Variants in BIN2 observed in about 807,000 individuals in gnomAD.
BIN2 encodes bridging integrator 2.
Under a neutral mutation model 67.9 loss-of-function variants are expected in BIN2, and 43 were observed. That is an observed-to-expected ratio of 0.63 (90% CI 0.50 to 0.82). The LOEUF is 0.82. Among genes scored for constraint, BIN2 ranks in the 40% least tolerant of loss-of-function variants. The probability of loss-of-function intolerance (pLI) is 0.00; values close to 1 mark genes in which losing one functional copy is unlikely to be tolerated. For synonymous variants in BIN2, 244 were observed against 246.8 expected (o/e 0.99, Z 0.11); for missense variants, 581 against 671.6 (o/e 0.87, Z 1.49).
chr12:51,295,234 C>T (rs546417472), intron 9 of BIN2, among the ~76,000 whole-genome samples: 1 of 127,394 alleles, frequency 7.8e-6, no homozygotes, highest in Non-Finnish European at 1.9e-5. Flanking sequence ...CATGAGCCAC[C>T]ATTGTCTGGC....
rs746586606 is a variant in BIN2 at position 51,313,847 on chromosome 12, G to A, written c.138C>T (p.Ser46=). 5.6e-6 allele frequency: 9 copies of A among 1,613,586 alleles called. No homozygotes were observed. The highest frequency in any genetic ancestry group is 4.5e-5 in the East Asian group (2 of 44,852). Residue 46 remains serine (S), a synonymous_variant, in exon 2 of 13, where the codon AGC becomes AGT. Coordinates refer to ENST00000615107, the MANE Select transcript of BIN2 (RefSeq NM_016293.4). The stretch of plus-strand genomic sequence containing the variant: ...CCTGTTGTTGGTAGAAGTTGCTAGC[G>A]CTTTGTTCAAATCGTTCATCTTTGG... ...VETKDERFEQ[S]ASNFYQQQAE...
intron 6 of BIN2, 75 bp downstream of exon 6, chr12:51,299,532 C>T: frequency 7.1e-7 from 1 of 1,413,672 alleles, no homozygotes. Flanking sequence ...CATGTTGGCC[C>T]AGCCACCTGC....
intron 2 of BIN2, among the ~76,000 whole-genome samples, chr12:51,308,410 C>T (rs1011989783): frequency 6.6e-6 from 1 of 152,120 alleles, no homozygotes; most frequent in African/African-American, 2.4e-5. Flanking sequence ...ACAAACAGTC[C>T]CAACCCTCAG....
At chr12:51,294,580 A>C (rs899236583) in intron 9 of BIN2, among the ~76,000 whole-genome samples, 20 of 147,860 alleles carry the variant, frequency 1.4e-4, no homozygotes, top group African/African-American at 3.8e-4. Flanking sequence ...AAAAAAAAAA[A>C]CAAAAAAAAC....
intron 6 of BIN2, 78 bp from the exon 7 acceptor site, chr12:51,299,366 T>C: frequency 7.2e-7 from 1 of 1,391,798 alleles, no homozygotes; most frequent in African/African-American, 1.4e-5. Context: ...ATCCTCTGCA[T>C]TTTTTTAGGC....
chr12:51,285,768 C>A (rs1370753837), intron 11 of BIN2, among the ~76,000 whole-genome samples: 5 of 151,844 alleles, frequency 3.3e-5, no homozygotes, highest in Non-Finnish European at 7.4e-5. Flanking sequence ...GGATTACAGG[C>A]GCCCACCACC....
At chr12:51,303,164 G>C (rs1276283072) in intron 2 of BIN2, 23 bp from the exon 3 acceptor site, 1 of 1,611,206 alleles carries the variant, frequency 6.2e-7, no homozygotes, top group Admixed American at 1.7e-5. Context: ...AGTACATTTG[G>C]TGACTAAAGA....
Position 51,310,605 on chromosome 12 carries a change from T to C in BIN2, c.162+3218A>G, listed in dbSNP as rs181590252. Among the ~76,000 whole-genome samples the C allele has an allele frequency of 2.7e-3, 404 of 152,356 alleles. 2 individuals carry two copies. Among genetic ancestry groups the C allele is most frequent in the African/African-American group, 9.2e-3 (384 of 41,584 alleles). On this transcript the variant is annotated intron_variant, in intron 2 of 12. Transcript: ENST00000615107. Reference sequence around the variant, plus strand: ...GAAAAAGGCAAGTTGCAAAATCATATGCATGGAAGAATCTCACTTTAGTAA... The same window carrying C: ...GAAAAAGGCAAGTTGCAAAATCATACGCATGGAAGAATCTCACTTTAGTAA...
chr12:51,286,216 A>G (rs895830336), intron 11 of BIN2, among the ~76,000 whole-genome samples: 10 of 152,152 alleles, frequency 6.6e-5, no homozygotes, highest in African/African-American at 2.2e-4. Context: ...GAGAGAAAAT[A>G]TGATTTATAA....
intron 10 of BIN2, among the ~76,000 whole-genome samples, chr12:51,289,399 G>C (rs780544784): frequency 2.6e-5 from 4 of 151,822 alleles, no homozygotes; most frequent in Non-Finnish European, 5.9e-5. Context: ...AGGACCACTG[G>C]AGCCCAGGAG....
At position 51,295,807 on chromosome 12, in the gene BIN2, C is replaced by T. The variant is rs1166143457; in HGVS notation, c.750G>A (p.Lys250=). The T allele has an allele frequency of 3.1e-6, 5 of 1,613,086 alleles. No homozygotes were observed. Among genetic ancestry groups the T allele is most frequent in the Non-Finnish European group, 3.4e-6 (4 of 1,179,670 alleles). ...TGGATGCTGCTCACCTTGACAGTCC[C>T]TTCACCACAAAGACTTTATTGGAAT... ...KQHSNKVFVV[K]GLSSSSRRSL... Residue 250 remains lysine, a synonymous_variant, in exon 9 of 13, where the codon AAG becomes AAA. Transcript: ENST00000615107.
intron 11 of BIN2, among the ~76,000 whole-genome samples, 159 bp downstream of exon 11, chr12:51,287,949 C>A (rs1301337259): frequency 6.6e-6 from 1 of 152,174 alleles, no homozygotes; most frequent in Non-Finnish European, 1.5e-5. Context: ...CCGCGCCCGG[C>A]CAGGACAAGT....
chr12:51,293,352 C>T (rs1434828951), intron 9 of BIN2, among the ~76,000 whole-genome samples: 1 of 152,106 alleles, frequency 6.6e-6, no homozygotes, highest in African/African-American at 2.4e-5. Flanking sequence ...CTCTGTCGCC[C>T]AGGCGGGAGT....
chr12:51,311,899 A>T (rs4435047), intron 2 of BIN2, among the ~76,000 whole-genome samples: 4 of 151,580 alleles, frequency 2.6e-5, no homozygotes, highest in Admixed American at 6.6e-5. Flanking sequence ...AGCCTCCCGA[A>T]TAGCTGGGAT....
At chr12:51,286,998 T>G (rs1945252035) in intron 11 of BIN2, among the ~76,000 whole-genome samples, 1 of 151,804 alleles carries the variant, frequency 6.6e-6, no homozygotes, top group African/African-American at 2.4e-5. Flanking sequence ...ATTTTTGTAT[T>G]TTTTGTAGAG....
At chr12:51,283,831 C>T (rs1397123062) in intron 12 of BIN2, among the ~76,000 whole-genome samples, 1 of 151,846 alleles carries the variant, frequency 6.6e-6, no homozygotes, top group East Asian at 1.9e-4. Context: ...CCCGTCTCTA[C>T]TAAAAGTACA....
At chr12:51,320,969 A>ACACACACACACACACACACACACACC (rs1946262540) in intron 1 of BIN2, among the ~76,000 whole-genome samples, 1 of 151,334 alleles carries the variant, frequency 6.6e-6, no homozygotes, top group Non-Finnish European at 1.5e-5. Flanking sequence ...ACACACACAC[A>ACACACACACACACACACACACACACC]CTCTAAAGCC....
intron 2 of BIN2, among the ~76,000 whole-genome samples, chr12:51,307,287 A>G (rs1449730518): frequency 6.6e-6 from 1 of 151,916 alleles, no homozygotes; most frequent in African/African-American, 2.4e-5. Context: ...TGACTCAAAA[A>G]AAAAAAAAAA....
At chr12:51,292,467 A>G in intron 9 of BIN2, 123 bp from the exon 10 acceptor site, 1 of 1,119,342 alleles carries the variant, frequency 8.9e-7, no homozygotes, top group Non-Finnish European at 1.2e-6. Context: ...GAAAGTTTGC[A>G]TAATTTACAA....
Sources: gnomAD v4.1 joint callset for allele counts (sites outside exome capture counted in the v4.1 genomes callset) on GRCh38, gnomAD v4.1.1 for gene constraint, MANE v1.5 for transcripts, NCBI Gene and HGNC (gene_info 2026-07-23, HGNC 2026-07-21) for gene names.